The following TENM2 variants were observed in gnomAD, a reference collection of about 807,000 sequenced individuals.
TENM2 encodes the protein teneurin-2.
In TENM2, 52 loss-of-function variants were observed where a neutral mutation model predicts 245.2. The observed-to-expected ratio is 0.21, with a 90% CI of 0.17 to 0.27. TENM2 has a LOEUF of 0.27. Ranked by LOEUF, TENM2 falls within the 10% of genes least tolerant of loss-of-function variation. TENM2 has a pLI of 1.00. For synonymous variants in TENM2, 1,363 were observed against 1,438.9 expected (o/e 0.95, Z 1.19); for missense variants, 3,046 against 3,666.8 (o/e 0.83, Z 4.37).
chr5:168,223,464 T>G (rs1010840376), intron 23 of TENM2, among the ~76,000 whole-genome samples: 8 of 146,392 alleles, frequency 5.5e-5, no homozygotes, highest in Non-Finnish European at 1.2e-4. Context: ...TGATTACAAG[T>G]AATTTCTTTT....
chr5:167,648,356 T>A (rs369737939), intron 2 of TENM2, among the ~76,000 whole-genome samples: 1 of 152,224 alleles, frequency 6.6e-6, no homozygotes, highest in South Asian at 2.1e-4. Context: ...TAATTAGGAA[T>A]TCTACTATTT....
intron 2 of TENM2, among the ~76,000 whole-genome samples, chr5:167,536,495 T>C (rs1044613088): frequency 1.3e-5 from 2 of 152,018 alleles, no homozygotes; most frequent in African/African-American, 4.8e-5. Context: ...AGAAAAATCA[T>C]GCTTAGCTGG....
At chr5:167,821,592 C>T (rs1435726237) in intron 2 of TENM2, among the ~76,000 whole-genome samples, 3 of 152,120 alleles carry the variant, frequency 2.0e-5, no homozygotes, top group Non-Finnish European at 4.4e-5. Context: ...ATAGTTCCAT[C>T]GTGGGAAAAG....
rs1318645192 is a variant in TENM2 at position 167,617,839 on chromosome 5, TC to T, written c.502+242367del. ...GCACAATGCTTGCTACACAGTAAAC[TC>T]TCTGCCTATATTCAGAATGAAGGAA... is the stretch of plus-strand genomic sequence containing the variant. On this transcript the variant is annotated intron_variant, in intron 2 of 28. Transcript: ENST00000518659. 2.0e-5 allele frequency among the ~76,000 whole-genome samples: 3 copies of T among 152,304 alleles called. No homozygotes were observed. In the East Asian group the frequency reaches 5.8e-4, roughly 29 times the overall value.
At chr5:167,429,611 T>C (rs866739602) in intron 2 of TENM2, among the ~76,000 whole-genome samples, 5 of 138,750 alleles carry the variant, frequency 3.6e-5, no homozygotes, top group African/African-American at 1.4e-4. Flanking sequence ...CTCTCTCTTT[T>C]TTTTTTTTTT....
chr5:167,467,450 C>T (rs2127502825), intron 2 of TENM2, among the ~76,000 whole-genome samples: 1 of 151,348 alleles, frequency 6.6e-6, no homozygotes, highest in South Asian at 2.1e-4. Context: ...AATATACTCA[C>T]CTTAGGTAAA....
the TENM2 span, among the ~76,000 whole-genome samples, chr5:167,172,766 A>G: frequency 4.6e-5 from 7 of 151,560 alleles, no homozygotes; most frequent in Admixed American, 1.3e-4. Context: ...ACATTCCACT[A>G]TGCTTAGCTA....
At chr5:167,481,015 C>A (rs534675566) in intron 2 of TENM2, among the ~76,000 whole-genome samples, 32 of 152,336 alleles carry the variant, frequency 2.1e-4, no homozygotes, top group Admixed American at 7.2e-4. Context: ...CCCTTAATTT[C>A]TTTCCGATTC....
At chr5:167,916,660 T>C (rs1776967096) in intron 3 of TENM2, among the ~76,000 whole-genome samples, 1 of 152,104 alleles carries the variant, frequency 6.6e-6, no homozygotes, top group African/African-American at 2.4e-5. Context: ...AGAGTTCACC[T>C]TGAAAGGCTG....
the TENM2 span, among the ~76,000 whole-genome samples, chr5:167,062,320 G>T: frequency 6.6e-6 from 1 of 152,090 alleles, no homozygotes; most frequent in East Asian, 1.9e-4. Context: ...ATCTGGCTGA[G>T]ACGTGGGTTA....
intron 2 of TENM2, among the ~76,000 whole-genome samples, chr5:167,473,304 G>A (rs1013548397): frequency 6.6e-6 from 1 of 151,940 alleles, no homozygotes; most frequent in Non-Finnish European, 1.5e-5. Flanking sequence ...TAACAATACT[G>A]TTTTTTTGTC....
chr5:167,025,137 A>T, the TENM2 span, among the ~76,000 whole-genome samples: 1 of 152,246 alleles, frequency 6.6e-6, no homozygotes, highest in South Asian at 2.1e-4. Flanking sequence ...ACGTATTTTA[A>T]TGGCCACACT....
the TENM2 span, among the ~76,000 whole-genome samples, chr5:167,169,219 C>G: frequency 6.6e-6 from 1 of 152,080 alleles, no homozygotes; most frequent in Non-Finnish European, 1.5e-5. Context: ...GCTAGGGGCT[C>G]TGTTCTCTCA....
chr5:167,401,546 T>C (rs1017268920), intron 2 of TENM2, among the ~76,000 whole-genome samples: 1 of 152,134 alleles, frequency 6.6e-6, no homozygotes, highest in African/African-American at 2.4e-5. Context: ...GCTAACACAC[T>C]TAGCTTAAAA....
intron 15 of TENM2, 56 bp from the exon 18 acceptor site, chr5:168,198,797 C>T (rs1761685225): frequency 6.3e-7 from 1 of 1,579,114 alleles, no homozygotes; most frequent in Non-Finnish European, 8.6e-7. Flanking sequence ...GAGAGGCATC[C>T]TGCCTTGTCT....
chr5:168,110,797 TACAC>T (rs902205518), intron 9 of TENM2, among the ~76,000 whole-genome samples: 358 of 152,242 alleles, frequency 2.4e-3, no homozygotes, highest in African/African-American at 7.8e-3. Flanking sequence ...CACACACACA[TACAC>T]ACACAAAAAC....
At chr5:167,526,791 A>C (rs1222359323) in intron 2 of TENM2, among the ~76,000 whole-genome samples, 1 of 152,060 alleles carries the variant, frequency 6.6e-6, no homozygotes, top group Non-Finnish European at 1.5e-5. Context: ...TATATTTGGA[A>C]CCTTTGTATT....
chr5:167,534,834 G>A (rs1424220531), intron 2 of TENM2, among the ~76,000 whole-genome samples: 1 of 152,136 alleles, frequency 6.6e-6, no homozygotes. Flanking sequence ...TGTCACTCCA[G>A]TTGTCCCTCA....
chr5:168,092,138 G>A (rs1389222101), intron 8 of TENM2, among the ~76,000 whole-genome samples: 1 of 152,192 alleles, frequency 6.6e-6, no homozygotes, highest in Non-Finnish European at 1.5e-5. Context: ...AAAGAGCTAT[G>A]TAATCCAACC....
Sources: allele counts gnomAD v4.1 joint callset (sites outside exome capture counted in the v4.1 genomes callset), GRCh38; gene constraint gnomAD v4.1.1; transcripts MANE v1.5; gene names NCBI Gene and HGNC (gene_info 2026-07-23, HGNC 2026-07-21).